Variants in EPS8 observed in about 807,000 individuals in gnomAD.
EPS8 encodes the protein EGFR pathway substrate 8, signaling adaptor.
In EPS8, 42 loss-of-function variants were observed where a neutral mutation model predicts 103.8. The observed-to-expected ratio is 0.40, with a 90% CI of 0.32 to 0.52. The LOEUF is 0.52. Ranked by LOEUF, EPS8 falls within the 20% of genes least tolerant of loss-of-function variation. The probability of loss-of-function intolerance (pLI) is 0.40; values close to 1 mark genes in which losing one functional copy is unlikely to be tolerated. For synonymous variants in EPS8, 344 were observed against 344.6 expected (o/e 1.00, Z 0.02); for missense variants, 969 against 1,005.1 (o/e 0.96, Z 0.49).
At position 15,751,140 on chromosome 12, in the gene EPS8, T is replaced by C. The variant is rs1279532932; in HGVS notation, c.-22+38021A>G. 6.6e-6 allele frequency among the ~76,000 whole-genome samples: 1 copy of C among 152,018 alleles called. No individual in the cohort carries two copies. The highest frequency in any genetic ancestry group is 1.5e-5 in the Non-Finnish European group (1 of 68,010). Reference sequence around the variant, plus strand: ...TGGGAGGACGAGGCAGGCGGATCACTTGAGGTCAGGAGTTCGAGACCAGCC... The same window carrying C: ...TGGGAGGACGAGGCAGGCGGATCACCTGAGGTCAGGAGTTCGAGACCAGCC... On this transcript the variant is annotated intron_variant, in intron 1 of 20. Coordinates refer to ENST00000281172, the MANE Select transcript of EPS8 (RefSeq NM_004447.6). This position sits in a 1 kb window ranked among gnomAD's most constrained non-coding sequence, Gnocchi z 4.3.
At position 15,749,176 on chromosome 12, in the gene EPS8, G is replaced by A. The variant is rs1946906080; in HGVS notation, c.-22+39985C>T. Among the ~76,000 whole-genome samples the A allele has an allele frequency of 6.6e-6, 1 of 151,784 alleles. No homozygotes were observed. The highest frequency in any genetic ancestry group is 1.5e-5 in the Non-Finnish European group (1 of 67,976). On this transcript the variant is annotated intron_variant, in intron 1 of 20. Transcript: ENST00000281172. The surrounding 1 kb of genome is among the most constrained non-coding windows in gnomAD (Gnocchi z 4.0). Reference sequence around the variant, plus strand: ...GATTATGCCTTAGGCTCTCACTAAGGGCCAATATAGGAAACAAGTAATTAA... The same window carrying A: ...GATTATGCCTTAGGCTCTCACTAAGAGCCAATATAGGAAACAAGTAATTAA...
chr12:15,754,591 T>C (rs1252673567), intron 1 of EPS8, among the ~76,000 whole-genome samples: 3 of 152,200 alleles, frequency 2.0e-5, no homozygotes, highest in African/African-American at 4.8e-5. Flanking sequence ...TACGCCACCA[T>C]AGATAAAGAG....
Position 15,667,975 on chromosome 12 carries a change from C to CG in EPS8, c.516+1411dup, listed in dbSNP as rs1034640973. The stretch of plus-strand genomic sequence containing the variant: ...TCACAGCATAGTAACTTTTAGCTCC[C>CG]GGGGGGGGCTTTTTAGAACACAGAT... On this transcript the variant is annotated intron_variant, in intron 6 of 20. Transcript: ENST00000281172. Among the ~76,000 whole-genome samples, 177 of 151,464 alleles carry CG rather than the reference C, an allele frequency of 1.2e-3. 1 individual carries two copies. Among genetic ancestry groups the CG allele is most frequent in the East Asian group, 4.8e-3 (25 of 5,176 alleles).
intron 15 of EPS8, among the ~76,000 whole-genome samples, chr12:15,646,276 C>T (rs938022093): frequency 4.6e-5 from 7 of 152,090 alleles, no homozygotes; most frequent in Admixed American, 6.5e-5. Flanking sequence ...TTTTAAATCC[C>T]ACTTTCTTCA....
At position 15,769,942 on chromosome 12, in the gene EPS8, T is replaced by C. The variant is rs1947135636; in HGVS notation, c.-22+19219A>G. Among the ~76,000 whole-genome samples the C allele has an allele frequency of 6.8e-6, 1 of 147,172 alleles. No individual in the cohort carries two copies. The highest frequency in any genetic ancestry group is 1.5e-5 in the Non-Finnish European group (1 of 66,406). On this transcript the variant is annotated intron_variant, in intron 1 of 20. Transcript: ENST00000281172. The surrounding 1 kb of genome is among the most constrained non-coding windows in gnomAD (Gnocchi z 4.6). ...TAATTTTCATGTTTTTTTAATTAGG[T>C]TTTTTTTTTTCTTTTTTGAGACTAG...
At chr12:15,640,975 T>C (rs1945218292) in intron 16 of EPS8, 129 bp from the exon 17 acceptor site, 11 of 723,392 alleles carry the variant, frequency 1.5e-5, no homozygotes, top group East Asian at 5.2e-5. Flanking sequence ...ATAGTGTTGA[T>C]TGAATGATTC....
At chr12:15,694,458 C>T (rs531389574) in intron 1 of EPS8, among the ~76,000 whole-genome samples, 2 of 152,242 alleles carry the variant, frequency 1.3e-5, no homozygotes, top group African/African-American at 4.8e-5. Context: ...TTACTGTTCA[C>T]GAAAAGCTCT....
intron 3 of EPS8, among the ~76,000 whole-genome samples, chr12:15,679,711 T>A (rs1402852237): frequency 6.6e-6 from 1 of 152,214 alleles, no homozygotes; most frequent in Non-Finnish European, 1.5e-5. Context: ...TTTAGCCCTT[T>A]ATTATAACAA....
intron 1 of EPS8, among the ~76,000 whole-genome samples, chr12:15,770,302 A>AC (rs966623344): frequency 1.3e-5 from 2 of 151,400 alleles, no homozygotes; most frequent in Non-Finnish European, 2.9e-5. Flanking sequence ...AAAAAAAAAA[A>AC]AAGAAGAAGA....
In EPS8 at chr12:15,751,273, G is replaced by A. The variant is rs924776344; in HGVS notation, c.-22+37888C>T. Among the ~76,000 whole-genome samples the A allele has an allele frequency of 1.3e-5, 2 of 152,090 alleles. No homozygotes were observed. Among genetic ancestry groups the A allele is most frequent in the African/African-American group, 2.4e-5 (1 of 41,388 alleles). On this transcript the variant is annotated intron_variant, in intron 1 of 20. Transcript: ENST00000281172. The surrounding 1 kb of genome is among the most constrained non-coding windows in gnomAD (Gnocchi z 4.3). Reference sequence around the variant, plus strand: ...CTAGCAAGGCTGAGGCAGGAGAATCGCTTGAACCTGGGAGATAAAGGCTGC... The same window carrying A: ...CTAGCAAGGCTGAGGCAGGAGAATCACTTGAACCTGGGAGATAAAGGCTGC...
rs1220456772 is a variant in EPS8 at position 15,695,911 on chromosome 12, G to T, written c.-21-12939C>A. 2.0e-5 allele frequency among the ~76,000 whole-genome samples: 3 copies of T among 152,138 alleles called. No individual in the cohort carries two copies. In the East Asian group the frequency reaches 5.8e-4, roughly 29 times the overall value. On this transcript the variant is annotated intron_variant, in intron 1 of 20. Coordinates refer to ENST00000281172, the MANE Select transcript of EPS8 (RefSeq NM_004447.6). This position sits in a 1 kb window ranked among gnomAD's most constrained non-coding sequence, Gnocchi z 5.0. ...AATCACTTGAGCCCAGGAGGCGGAG[G>T]TTGCAAAAAGAATAAATATGACAAC...
chr12:15,693,747 G>A lies in EPS8; in HGVS notation c.-21-10775C>T, dbSNP rs1591864449. ...ATGAAAACATGTCCTTTGCAGGGAC[G>A]TGGATGAAGCTGGAAGCCATCATCC... On this transcript the variant is annotated intron_variant, in intron 1 of 20. Transcript: ENST00000281172. This position sits in a 1 kb window ranked among gnomAD's most constrained non-coding sequence, Gnocchi z 5.6. 6.6e-6 allele frequency among the ~76,000 whole-genome samples: 1 copy of A among 152,148 alleles called. No homozygotes were observed. Among genetic ancestry groups the A allele is most frequent in the African/African-American group, 2.4e-5 (1 of 41,442 alleles).
chr12:15,710,777 C>T (rs997780457), intron 1 of EPS8, among the ~76,000 whole-genome samples: 2 of 152,104 alleles, frequency 1.3e-5, no homozygotes, highest in African/African-American at 4.8e-5. Flanking sequence ...TAGAAATATC[C>T]TATAAATAAA....
At chr12:15,666,620 G>A (rs1945716746) in intron 6 of EPS8, 98 bp from the exon 7 acceptor site, 1 of 806,930 alleles carries the variant, frequency 1.2e-6, no homozygotes. Context: ...GTCTGAATCA[G>A]TAAGTATCTT....
chr12:15,710,071 T>A (rs1946441258), intron 1 of EPS8, among the ~76,000 whole-genome samples: 1 of 119,088 alleles, frequency 8.4e-6, no homozygotes, highest in Non-Finnish European at 1.8e-5. Flanking sequence ...CAACCGGTAC[T>A]GAACCATGGC....
intron 9 of EPS8, 36 bp from the exon 10 acceptor site, chr12:15,660,776 A>G (rs1481631591): frequency 5.3e-6 from 7 of 1,314,162 alleles, no homozygotes; most frequent in Non-Finnish European, 7.5e-6. Context: ...ATATAAAACA[A>G]AACTATTTTT....
rs1259002542 is a variant in EPS8 at position 15,637,470 on chromosome 12, C to CA, written c.1821+3232dup. 2.0e-5 allele frequency among the ~76,000 whole-genome samples: 3 copies of CA among 152,110 alleles called. No individual in the cohort carries two copies. In the East Asian group the frequency reaches 5.8e-4, roughly 29 times the overall value. ...ATTTCTCCTACACCTTAGTTTCCTA[C>CA]AAAAAAATGTGCCTCCTTCACAAGG... is the stretch of plus-strand genomic sequence containing the variant. On this transcript the variant is annotated intron_variant, in intron 17 of 20. Transcript: ENST00000281172.
chr12:15,659,255 A>G (rs1945561884), intron 10 of EPS8, among the ~76,000 whole-genome samples: 1 of 152,156 alleles, frequency 6.6e-6, no homozygotes, highest in Non-Finnish European at 1.5e-5. Context: ...CGTGCTTTAC[A>G]GCAGAAGAAT....
At chr12:15,710,478 T>C (rs1946447326) in intron 1 of EPS8, among the ~76,000 whole-genome samples, 1 of 152,214 alleles carries the variant, frequency 6.6e-6, no homozygotes, top group Non-Finnish European at 1.5e-5. Context: ...AGATCTTACA[T>C]TACCAAGTAC....
Sources: allele counts gnomAD v4.1 joint callset (sites outside exome capture counted in the v4.1 genomes callset), GRCh38; gene constraint gnomAD v4.1.1; non-coding constraint Gnocchi (gnomAD v3.1); transcripts MANE v1.5; gene names NCBI Gene and HGNC (gene_info 2026-07-23, HGNC 2026-07-21).